The following MACF1 variants were observed in gnomAD, a reference collection of about 807,000 sequenced individuals.
MACF1 encodes microtubule-actin cross-linking factor 1.
MACF1 carries 193 observed loss-of-function variants against 854.8 expected under a neutral mutation model. That is an observed-to-expected ratio of 0.23 (90% confidence interval 0.20 to 0.25). The LOEUF (loss-of-function observed/expected upper bound fraction) is 0.25. Among genes scored for constraint, MACF1 ranks in the 10% least tolerant of loss-of-function variants. The pLI, the probability that MACF1 is intolerant of heterozygous loss-of-function variation, is 1.00. For missense variants in MACF1, 7,722 were observed against 8,929.1 expected (o/e 0.86, Z 5.45); for synonymous variants, 3,185 against 3,226.7 (o/e 0.99, Z 0.44).
intron 2 of MACF1, among the ~76,000 whole-genome samples, chr1:39,186,533 T>C (rs1423099646): frequency 6.6e-6 from 1 of 152,048 alleles, no homozygotes; most frequent in Non-Finnish European, 1.5e-5. Context: ...TAACATTAAA[T>C]CAAAATTATA....
chr1:39,268,780 GGGTTC>G (rs1431627294), intron 6 of MACF1: 1 of 1,289,748 alleles, frequency 7.8e-7, no homozygotes, highest in Admixed American at 2.3e-5. Context: ...CCTAAGAAAA[GGGTTC>G]GGTTCAAAAG....
chr1:39,460,913 G>GCC lies in MACF1; in HGVS notation c.21523+119_21523+120insCC. The GCC allele has an allele frequency of 8.7e-7, 1 of 1,153,766 alleles. No homozygotes were observed. The highest frequency in any genetic ancestry group is 1.3e-6 in the Non-Finnish European group (1 of 796,098). The allele number at this position is 1,153,766 out of a possible 1,614,324, so 71.5% of individuals were successfully genotyped here. A position where few individuals can be genotyped will look rare whatever the true frequency, so the allele number is the denominator to read the frequency against. Reference sequence around the variant, plus strand: ...CTGGCCAGGAGCTTGGCTCACACCTGTAATTCCAGCACTTTGGGAGGCAGG... The same window carrying GCC: ...CTGGCCAGGAGCTTGGCTCACACCTGCCTAATTCCAGCACTTTGGGAGGCAGG... On this transcript the variant is annotated intron_variant, in intron 92 of 100. Transcript: ENST00000564288. The surrounding 1 kb of genome is among the most constrained non-coding windows in gnomAD (Gnocchi z 4.1).
chr1:39,454,823 T>G (rs1372675184), intron 88 of MACF1, 86 bp from the exon 89 acceptor site: 1 of 1,162,996 alleles, frequency 8.6e-7, no homozygotes, highest in Non-Finnish European at 1.2e-6. Context: ...TAAAAAGCCA[T>G]TATGAAAATC....
rs950140826 is a variant in MACF1, at chr1:39,320,710, G to A, written c.4029+963G>A. 5.3e-5 allele frequency among the ~76,000 whole-genome samples: 8 copies of A among 152,128 alleles called. No individual in the cohort carries two copies. In the East Asian group the frequency reaches 7.7e-4, roughly 15 times the overall value. On this transcript the variant is annotated intron_variant, in intron 31 of 100. Coordinates refer to ENST00000564288, the MANE Select transcript of MACF1 (RefSeq NM_001394062.1). ...AGGCCAGGTGTGGTGGCTTATACCT[G>A]TAATCCCTGCACTTTAGGAGGCCAA...
Position 39,468,680 on chromosome 1 carries a change from T to C in MACF1, c.21837T>C (p.Gly7279=). Residue 7279 remains glycine, a synonymous_variant, in exon 96 of 101, where the codon GGT becomes GGC. Coordinates refer to ENST00000564288, the MANE Select transcript of MACF1 (RefSeq NM_001394062.1). ...GCAGCACCGTGATGGTTCGCGTTGG[T>C]GGAGGATGGATGGCCTTGGATGAAT... ...ILRSTVMVRV[G]GGWMALDEFL... 1.2e-6 allele frequency: 2 copies of C among 1,614,116 alleles called. No homozygotes were observed. The highest frequency in any genetic ancestry group is 2.2e-5 in the East Asian group (1 of 44,878).
At chr1:39,306,188 C>T (rs903789242) in intron 23 of MACF1, among the ~76,000 whole-genome samples, 4 of 149,218 alleles carry the variant, frequency 2.7e-5, no homozygotes, top group African/African-American at 9.9e-5. Flanking sequence ...GAGACGGAGT[C>T]TCCCTCTGTC....
At position 39,331,859 on chromosome 1, in the gene MACF1, A is replaced by G. The variant is rs751906957; in HGVS notation, c.5271A>G (p.Ile1757Met). 4 of 1,614,148 alleles carry G rather than the reference A, an allele frequency of 2.5e-6. No homozygotes were observed. The highest frequency in any genetic ancestry group is 2.5e-6 in the Non-Finnish European group (3 of 1,180,026). The change falls in exon 37 of 101, where the codon ATA becomes ATG. Residue 1757 changes from isoleucine (I) to methionine (M), a missense_variant. Transcript: ENST00000564288. Reference sequence around the variant, plus strand: ...TCCGTGCAGTTCAGGAAGGGCTAATAGATAGGCAGGTCACTGTCCGGTTGC... The same window carrying G: ...TCCGTGCAGTTCAGGAAGGGCTAATGGATAGGCAGGTCACTGTCCGGTTGC... Reference protein sequence around the residue: ...SIFRAVQEGLIDRQVTVRLLE... With the variant: ...SIFRAVQEGLMDRQVTVRLLE...
chr1:39,436,573 A>AC, intron 70 of MACF1: 4 of 1,301,766 alleles, frequency 3.1e-6, no homozygotes, highest in African/African-American at 1.5e-5. Context: ...AATTTCCCTT[A>AC]ACTTTAGTGG....
Position 39,452,714 on chromosome 1 carries a change from C to T in MACF1, c.20644C>T (p.Leu6882=). 1 of 1,613,622 alleles carries T rather than the reference C, an allele frequency of 6.2e-7. No individual in the cohort carries two copies. The highest frequency in any genetic ancestry group is 8.5e-7 in the Non-Finnish European group (1 of 1,180,012). The part of the protein sequence containing the change: ...AEVFRDTVHM[L]LEWLSEAEQT... Reference sequence around the variant, plus strand: ...AGTGTTTCGAGACACAGTCCACATGCTGTTGGAGTGGCTTTCTGAAGCAGA... The same window carrying T: ...AGTGTTTCGAGACACAGTCCACATGTTGTTGGAGTGGCTTTCTGAAGCAGA... The change falls in exon 87 of 101, where the codon CTG becomes TTG. Residue 6882 remains leucine (L), a synonymous_variant. Transcript: ENST00000564288.
At chr1:39,189,400 T>C (rs1474712919) in intron 2 of MACF1, among the ~76,000 whole-genome samples, 7 of 152,226 alleles carry the variant, frequency 4.6e-5, no homozygotes, top group Non-Finnish European at 8.8e-5. Context: ...TTACTGTCAC[T>C]TTTCTGAGGT....
chr1:39,363,861 C>T (rs1648433055), intron 49 of MACF1, among the ~76,000 whole-genome samples: 1 of 152,130 alleles, frequency 6.6e-6, no homozygotes, highest in African/African-American at 2.4e-5. Flanking sequence ...ATCTGCCCGC[C>T]TCGGCCTCCC....
chr1:39,246,666 A>C lies in MACF1; in HGVS notation c.172-3348A>C, dbSNP rs532746742. ...TGGAATTACAGGCGCCCACGACCAC[A>C]CCCGGCTAATTTTTTGTATTTTTAG... On this transcript the variant is annotated intron_variant, in intron 2 of 100. Coordinates refer to ENST00000564288, the MANE Select transcript of MACF1 (RefSeq NM_001394062.1). Among the ~76,000 whole-genome samples, 32 of 151,600 alleles carry C rather than the reference A, an allele frequency of 2.1e-4. 1 individual carries two copies. Among genetic ancestry groups the C allele is most frequent in the African/African-American group, 7.8e-4 (32 of 41,288 alleles).
intron 2 of MACF1, among the ~76,000 whole-genome samples, chr1:39,172,664 C>CTG (rs1296640029): frequency 6.6e-6 from 1 of 152,236 alleles, no homozygotes; most frequent in Non-Finnish European, 1.5e-5. Context: ...GTTCACCACT[C>CTG]TAACAGAGTC....
At chr1:39,254,593 C>T (rs1308640025) in intron 5 of MACF1, 1 of 481,814 alleles carries the variant, frequency 2.1e-6, no homozygotes, top group Admixed American at 3.7e-5. Flanking sequence ...GAAGAATGTT[C>T]ACGGAGAAGA....
rs893676617 is a variant in MACF1 at position 39,084,479 on chromosome 1, A to C, written c.220+41A>C. ...CAGCAGGCTGGACGCTGTGGGTGTG[A>C]GGGAGGAATGGGCCAGGGCACAGCA... On this transcript the variant is annotated intron_variant, in intron 2 of 93. Transcript: ENST00000361689. The surrounding 1 kb of genome is among the most constrained non-coding windows in gnomAD (Gnocchi z 5.2). The C allele has an allele frequency of 6.4e-7, 1 of 1,559,216 alleles. No individual in the cohort carries two copies. The highest frequency in any genetic ancestry group is 1.8e-5 in the Admixed American group (1 of 56,046).
intron 38 of MACF1, 136 bp downstream of exon 38, chr1:39,337,467 A>G: frequency 2.6e-6 from 2 of 769,664 alleles, no homozygotes; most frequent in South Asian, 4.9e-5. Flanking sequence ...TTGTCAGATA[A>G]TTATGGGATG....
intron 55 of MACF1, among the ~76,000 whole-genome samples, chr1:39,380,619 AAG>A (rs1263602545): frequency 4.6e-5 from 7 of 152,182 alleles, no homozygotes; most frequent in African/African-American, 1.7e-4. Context: ...TCAAGAACCA[AAG>A]AGAGGCCAGG....
chr1:39,459,974 T>C (rs1366593761), intron 91 of MACF1: 2 of 517,670 alleles, frequency 3.9e-6, no homozygotes, highest in African/African-American at 4.0e-5. Context: ...CTTTAAGTCA[T>C]TTTGAGTGTA....
At chr1:39,287,701 C>A (rs1165598771) in intron 15 of MACF1, 139 bp downstream of exon 15, 2 of 975,380 alleles carry the variant, frequency 2.1e-6, no homozygotes, top group East Asian at 2.5e-5. Context: ...GTGATGGGGT[C>A]TTGCTATGTT....
Sources: gnomAD v4.1 joint callset for allele counts (sites outside exome capture counted in the v4.1 genomes callset) on GRCh38, gnomAD v4.1.1 for gene constraint, Gnocchi (gnomAD v3.1) non-coding constraint, MANE v1.5 for transcripts, NCBI Gene and HGNC (gene_info 2026-07-23, HGNC 2026-07-21) for gene names.